The following TMEM177 variants were observed in gnomAD, a reference collection of about 807,000 sequenced individuals.
The protein encoded by TMEM177 is transmembrane protein 177.
A neutral mutation model predicts 14.2 loss-of-function variants in TMEM177; 4 were observed. The ratio of observed to expected loss-of-function variants is 0.28; its 90% CI spans 0.14 to 0.64. The LOEUF is 0.64. TMEM177 is among the 30% of genes least tolerant of loss of function. The pLI is 0.82. For synonymous variants in TMEM177, 179 were observed against 174.5 expected (o/e 1.03, Z -0.20); for missense variants, 344 against 405.2 (o/e 0.85, Z 1.30).
downstream of TMEM177, among the ~76,000 whole-genome samples, chr2:119,685,032 T>C (rs4401215): frequency 0.8 from 121,487 of 152,002 alleles, 49,002 homozygotes; most frequent in South Asian, 0.86. Context: ...CACTCTGTCC[T>C]AGATCCCTTG....
the TMEM177 span, among the ~76,000 whole-genome samples, chr2:119,691,700 G>C: frequency 6.6e-6 from 1 of 152,170 alleles, no homozygotes; most frequent in Admixed American, 6.5e-5. Context: ...TGTGGCGTGT[G>C]GGGAGGCCCC....
chr2:119,716,066 C>T, the TMEM177 span, among the ~76,000 whole-genome samples: 2 of 152,162 alleles, frequency 1.3e-5, no homozygotes, highest in Non-Finnish European at 2.9e-5. Context: ...GCTTGCATTC[C>T]GGTGGGGAGT....
chr2:119,717,095 G>A, the TMEM177 span, among the ~76,000 whole-genome samples: 1 of 152,160 alleles, frequency 6.6e-6, no homozygotes, highest in African/African-American at 2.4e-5. Context: ...TTCTTCATGG[G>A]ACACCATGGG....
chr2:119,710,543 G>A, the TMEM177 span, among the ~76,000 whole-genome samples: 10 of 152,276 alleles, frequency 6.6e-5, no homozygotes, highest in South Asian at 1.5e-3. Context: ...CTGTCAGAGG[G>A]AGAGGCTTGA....
rs1481773897 is a variant in TMEM177 at position 119,681,069 on chromosome 2, A to G, written c.216A>G (p.Ile72Met). 1.9e-6 allele frequency: 3 copies of G among 1,614,084 alleles called. No homozygotes were observed. Among genetic ancestry groups the G allele is most frequent in the Non-Finnish European group, 2.5e-6 (3 of 1,180,038 alleles). ...QSLFQEVLQD[I>M]GVPSGHCYKP... ...TCTTCCAAGAGGTGCTACAGGACAT[A>G]GGTGTTCCTTCAGGCCATTGCTACA... Residue 72 changes from isoleucine (I) to methionine (M), a missense_variant, in exon 2 of 2, where the codon ATA becomes ATG. Ile to Met is a conservative substitution (Grantham distance 10). Transcript: ENST00000272521.
At chr2:119,714,518 T>G in the TMEM177 span, among the ~76,000 whole-genome samples, 2 of 152,174 alleles carry the variant, frequency 1.3e-5, no homozygotes, top group Non-Finnish European at 2.9e-5. Flanking sequence ...AAAAAGAAGG[T>G]GGGACAAAGC....
downstream of TMEM177, among the ~76,000 whole-genome samples, chr2:119,689,334 C>T (rs375971943): frequency 7.9e-5 from 12 of 152,258 alleles, 1 homozygote; most frequent in South Asian, 8.3e-4. Flanking sequence ...AGTGACAACA[C>T]GTGAGTTCAG....
chr2:119,681,879 C>A lies in TMEM177; in HGVS notation c.*90C>A. The stretch of plus-strand genomic sequence containing the variant: ...CCTGTTGGAGCCTTTGGACCTATAG[C>A]TCACGGCCAGAAAAATCACTGGCTT... On this transcript the variant is annotated 3_prime_UTR_variant, in exon 2 of 2. Transcript: ENST00000272521. The A allele has an allele frequency of 7.9e-7, 1 of 1,270,392 alleles. No homozygotes were observed. The highest frequency in any genetic ancestry group is 1.1e-6 in the Non-Finnish European group (1 of 907,140). The allele number at this position is 1,270,392 out of a possible 1,614,324, so 78.7% of individuals were successfully genotyped here. A position where few individuals can be genotyped will look rare whatever the true frequency, so the allele number is the denominator to read the frequency against.
At chr2:119,717,703 G>T in the TMEM177 span, among the ~76,000 whole-genome samples, 1 of 147,494 alleles carries the variant, frequency 6.8e-6, no homozygotes, top group Non-Finnish European at 1.5e-5. Flanking sequence ...CCACCTCCCG[G>T]GTTCAAGCAA....
At chr2:119,717,679 G>A in the TMEM177 span, among the ~76,000 whole-genome samples, 4 of 141,944 alleles carry the variant, frequency 2.8e-5, no homozygotes, top group Non-Finnish European at 6.0e-5. Context: ...CGCAATCTTG[G>A]CTCACTGCAA....
At chr2:119,714,952 C>G in the TMEM177 span, among the ~76,000 whole-genome samples, 1 of 152,310 alleles carries the variant, frequency 6.6e-6, no homozygotes, top group African/African-American at 2.4e-5. Context: ...AGAGAGCAGA[C>G]AGGAAGTGTA....
chr2:119,700,533 A>T, the TMEM177 span, among the ~76,000 whole-genome samples: 1 of 152,094 alleles, frequency 6.6e-6, no homozygotes, highest in Admixed American at 6.6e-5. Flanking sequence ...CAATGGGGAG[A>T]TTGTCTGCTT....
rs145520090 is a variant in TMEM177 at position 119,680,952 on chromosome 2, G to A, written c.99G>A (p.Ser33=). 2.5e-5 allele frequency: 40 copies of A among 1,614,168 alleles called. No homozygotes were observed. Among genetic ancestry groups the A allele is most frequent in the Middle Eastern group, 1.6e-4 (1 of 6,062 alleles). Residue 33 remains serine (S), a synonymous_variant, in exon 2 of 2, where the codon TCG becomes TCA. Transcript: ENST00000272521. ...CAGGCCTGTTTGGAGTTCCAATCTC[G>A]TACCACCTCTTCCCGGATCCCGTGG... is the stretch of plus-strand genomic sequence containing the variant. ...SCAGLFGVPI[S]YHLFPDPVVQ... is the part of the protein sequence containing the mutation.
In TMEM177 at chr2:119,681,676, A is replaced by C. The variant is rs776017228; in HGVS notation, c.823A>C (p.Ser275Arg). 12 of 1,614,074 alleles carry C rather than the reference A, an allele frequency of 7.4e-6. No homozygotes were observed. Among genetic ancestry groups the C allele is most frequent in the African/African-American group, 1.3e-5 (1 of 74,932 alleles). ...GKDGEKLYTP[S>R]GNIVPRHLFR... ...AGACGGGGAGAAGCTGTATACACCC[A>C]GCGGGAACATCGTCCCCAGACACTT... Residue 275 changes from serine to arginine, a missense_variant, in exon 2 of 2, where the codon AGC becomes CGC. Physicochemically the swap from Ser to Arg is moderately radical, Grantham distance 110. Transcript: ENST00000272521.
chr2:119,692,537 C>T, the TMEM177 span, among the ~76,000 whole-genome samples: 22 of 152,248 alleles, frequency 1.4e-4, no homozygotes, highest in African/African-American at 4.8e-4. Flanking sequence ...CTTTTGGTGC[C>T]TCACCTGAGG....
the TMEM177 span, among the ~76,000 whole-genome samples, chr2:119,699,373 T>A: frequency 1.6e-4 from 25 of 152,210 alleles, no homozygotes; most frequent in Non-Finnish European, 2.4e-4. Context: ...ACCGCCCCCA[T>A]GATCCAATCC....
chr2:119,710,814 A>G, the TMEM177 span, among the ~76,000 whole-genome samples: 2 of 150,868 alleles, frequency 1.3e-5, no homozygotes, highest in South Asian at 2.1e-4. Context: ...GTTTCACTGT[A>G]TTAGCCAGGA....
intron 1 of TMEM177, chr2:119,679,531 A>G (rs1688840351): frequency 6.6e-6 from 1 of 151,554 alleles, no homozygotes; most frequent in African/African-American, 2.4e-5. Flanking sequence ...GGAGTTCTTG[A>G]TTAAGATAGG....
rs555718349 is a variant in TMEM177, at chr2:119,682,003, G to A, written c.*214G>A. ...CTATGAATCTGAGCCTTTGTTTCTT[G>A]AACTGTAAAGTGGAGATGATGTAAA... On this transcript the variant is annotated 3_prime_UTR_variant, in exon 2 of 2. Coordinates refer to ENST00000272521, the MANE Select transcript of TMEM177 (RefSeq NM_030577.3). 3.6e-6 allele frequency: 2 copies of A among 557,934 alleles called. No homozygotes were observed. Among genetic ancestry groups the A allele is most frequent in the South Asian group, 5.9e-5 (2 of 33,782 alleles). 34.6% of individuals were successfully genotyped at this position (557,934 alleles called of 1,614,324 possible).
Sources: allele counts gnomAD v4.1 joint callset (sites outside exome capture counted in the v4.1 genomes callset), GRCh38; gene constraint gnomAD v4.1.1; transcripts MANE v1.5; gene names NCBI Gene and HGNC (gene_info 2026-07-23, HGNC 2026-07-21).